CNGB3: variants seen among roughly 807,000 people sequenced by gnomAD.
CNGB3 encodes the protein cyclic nucleotide-gated channel beta-3.
Under a neutral mutation model 92.8 loss-of-function variants are expected in CNGB3, and 86 were observed. The ratio of observed to expected loss-of-function variants is 0.93; its 90% CI spans 0.78 to 1.11. The LOEUF is 1.11. CNGB3 is among the 50% of genes least tolerant of loss of function. The pLI is 0.00. For missense variants in CNGB3, 1,026 were observed against 956.8 expected, an observed-to-expected ratio of 1.07 and a Z score of -0.95; for synonymous variants, 333 against 332.7, an observed-to-expected ratio of 1.00 and a Z score of -0.01.
intron 2 of CNGB3, among the ~76,000 whole-genome samples, chr8:86,731,610 A>G (rs185515820): frequency 2.0e-4 from 31 of 152,280 alleles, no homozygotes; most frequent in Non-Finnish European, 3.8e-4. Flanking sequence ...ATATATAGGT[A>G]TTAAGGAGTG....
At chr8:86,590,528 A>G (rs1822004931) in intron 15 of CNGB3, among the ~76,000 whole-genome samples, 1 of 152,034 alleles carries the variant, frequency 6.6e-6, no homozygotes, top group South Asian at 2.1e-4. Context: ...CTTTTAGGGC[A>G]GGCCTGGTGG....
chr8:86,614,294 C>A (rs973953571), intron 13 of CNGB3, among the ~76,000 whole-genome samples: 2 of 152,070 alleles, frequency 1.3e-5, no homozygotes, highest in African/African-American at 4.8e-5. Flanking sequence ...CCAGAGCCCA[C>A]GTAGACGAGC....
Position 86,639,351 on chromosome 8 carries a change from T to A in CNGB3, c.1178+4400A>T, listed in dbSNP as rs78567130. On this transcript the variant is annotated intron_variant, in intron 10 of 17. Coordinates refer to ENST00000320005, the MANE Select transcript of CNGB3 (RefSeq NM_019098.5). ...TCTCCTTTTGAACTAAATATTTGCA[T>A]TCTTTCTCACATTTTACAGTCTAAA... Among the ~76,000 whole-genome samples the A allele has an allele frequency of 4.5e-3, 681 of 152,270 alleles. 3 individuals are homozygous for A. The highest frequency in any genetic ancestry group is 0.015 in the African/African-American group (643 of 41,578).
Position 86,661,460 on chromosome 8 carries a change from G to A in CNGB3, c.852+5465C>T, listed in dbSNP as rs78121289. 1,992 of 572,908 alleles carry A rather than the reference G, an allele frequency of 3.5e-3. 32 individuals are homozygous for A. Among genetic ancestry groups the A allele is most frequent in the African/African-American group, 0.033 (1,735 of 53,138 alleles). The allele number at this position is 572,908 out of a possible 1,614,324, so 35.5% of individuals were successfully genotyped here. On this transcript the variant is annotated intron_variant, in intron 6 of 17. Coordinates refer to ENST00000320005, the MANE Select transcript of CNGB3 (RefSeq NM_019098.5). ...TTTTATAACTCCATGATCTGCATACGTCCCTGAGCTCTTTCATAAGTCCAT... is the reference window on the plus strand; with the variant it reads ...TTTTATAACTCCATGATCTGCATACATCCCTGAGCTCTTTCATAAGTCCAT...
chr8:86,703,499 T>C (rs1824593299), intron 3 of CNGB3, among the ~76,000 whole-genome samples: 1 of 152,202 alleles, frequency 6.6e-6, no homozygotes, highest in Non-Finnish European at 1.5e-5. Flanking sequence ...AGCTTTGCAA[T>C]TATTGTGTGT....
chr8:86,580,680 AG>A (rs1190200747), intron 15 of CNGB3, among the ~76,000 whole-genome samples: 1 of 152,254 alleles, frequency 6.6e-6, no homozygotes, highest in Non-Finnish European at 1.5e-5. Context: ...AAACACAGAA[AG>A]GAATAAGATA....
chr8:86,655,724 A>C (rs906044375), intron 6 of CNGB3, among the ~76,000 whole-genome samples: 1 of 152,320 alleles, frequency 6.6e-6, no homozygotes, highest in Non-Finnish European at 1.5e-5. Context: ...CTATTTCCTC[A>C]GTTCCTAACA....
At chr8:86,660,655 C>A (rs1162772695) in intron 6 of CNGB3, 8 of 533,012 alleles carry the variant, frequency 1.5e-5, no homozygotes, top group Non-Finnish European at 2.7e-5. Flanking sequence ...GCATAATGAC[C>A]AATTCTTTTG....
intron 13 of CNGB3, among the ~76,000 whole-genome samples, chr8:86,616,319 T>C (rs1483222164): frequency 6.6e-6 from 1 of 152,218 alleles, no homozygotes; most frequent in Non-Finnish European, 1.5e-5. Context: ...GATTACTTTA[T>C]GAAAAGATGC....
In CNGB3 at chr8:86,666,982, A is replaced by C; in HGVS notation, c.795T>G (p.Leu265=). The change falls in exon 6 of 18, where the codon CTT becomes CTG. Residue 265 remains leucine, a synonymous_variant. Coordinates refer to ENST00000320005, the MANE Select transcript of CNGB3 (RefSeq NM_019098.5). ...IADIICDIIY[L]YDMLFIQPRL... ...TGGGCTGGATAAATAGCATATCATAAAGGTAGATGATATCACATATGATGT... is the reference window on the plus strand; with the variant it reads ...TGGGCTGGATAAATAGCATATCATACAGGTAGATGATATCACATATGATGT... 2.5e-6 allele frequency: 4 copies of C among 1,613,624 alleles called. No individual in the cohort carries two copies. The highest frequency in any genetic ancestry group is 3.4e-6 in the Non-Finnish European group (4 of 1,179,962).
At chr8:86,743,211 T>A (rs1825371502) in intron 1 of CNGB3, among the ~76,000 whole-genome samples, 1 of 152,180 alleles carries the variant, frequency 6.6e-6, no homozygotes, top group Admixed American at 6.5e-5. Flanking sequence ...AATTTAATAT[T>A]TGAGAAATGG....
intron 15 of CNGB3, chr8:86,594,349 C>T (rs895512777): frequency 3.1e-6 from 1 of 325,240 alleles, no homozygotes; most frequent in Non-Finnish European, 5.9e-6. Flanking sequence ...GCCCATGCAG[C>T]AGGTCCACGG....
chr8:86,723,280 T>C (rs760149388), intron 3 of CNGB3, among the ~76,000 whole-genome samples: 3 of 152,168 alleles, frequency 2.0e-5, no homozygotes, highest in Non-Finnish European at 4.4e-5. Flanking sequence ...AGAAAACTTC[T>C]TTTAAATTTT....
chr8:86,622,432 A>C (rs1822757520), intron 13 of CNGB3, among the ~76,000 whole-genome samples: 1 of 149,082 alleles, frequency 6.7e-6, no homozygotes, highest in South Asian at 2.1e-4. Flanking sequence ...AAATATACAG[A>C]TCTTAAGGGA....
chr8:86,624,969 CA>C (rs1043550897), intron 13 of CNGB3, among the ~76,000 whole-genome samples: 13 of 152,162 alleles, frequency 8.5e-5, no homozygotes, highest in African/African-American at 2.9e-4. Context: ...ACACTGACCA[CA>C]CCTGCCTTGG....
chr8:86,735,416 GT>G (rs1394115242), intron 2 of CNGB3, among the ~76,000 whole-genome samples: 6 of 152,042 alleles, frequency 3.9e-5, no homozygotes, highest in Non-Finnish European at 7.4e-5. Flanking sequence ...ATGTATTATA[GT>G]TTTCCATTGC....
At chr8:86,576,789 A>C (rs10956887) in intron 17 of CNGB3, among the ~76,000 whole-genome samples, 1 of 152,178 alleles carries the variant, frequency 6.6e-6, no homozygotes, top group African/African-American at 2.4e-5. Flanking sequence ...GAGATTCTTA[A>C]CACATTTACT....
At chr8:86,685,745 A>G (rs1188511137) in intron 3 of CNGB3, among the ~76,000 whole-genome samples, 1 of 152,132 alleles carries the variant, frequency 6.6e-6, no homozygotes, top group Non-Finnish European at 1.5e-5. Flanking sequence ...AAGTGAAAAT[A>G]ATTAGAACTC....
At chr8:86,715,019 A>C (rs1824823934) in intron 3 of CNGB3, among the ~76,000 whole-genome samples, 2 of 151,952 alleles carry the variant, frequency 1.3e-5, no homozygotes. Flanking sequence ...GCTCAGACAC[A>C]CCTACGCCTA....
Sources: gnomAD v4.1 joint callset for allele counts (sites outside exome capture counted in the v4.1 genomes callset) on GRCh38, gnomAD v4.1.1 for gene constraint, MANE v1.5 for transcripts, NCBI Gene and HGNC (gene_info 2026-07-23, HGNC 2026-07-21) for gene names.